IMMP2L: variants seen among roughly 807,000 people sequenced by gnomAD.
IMMP2L encodes mitochondrial inner membrane protease subunit 2.
Under a neutral mutation model 19.3 loss-of-function variants are expected in IMMP2L, and 18 were observed. The ratio of observed to expected loss-of-function variants is 0.93; its 90% CI spans 0.64 to 1.38. The LOEUF (loss-of-function observed/expected upper bound fraction) is 1.38, where lower values mean the gene tolerates loss of function less well. IMMP2L is among the 40% of genes most tolerant of loss of function. The pLI, the probability that IMMP2L is intolerant of heterozygous loss-of-function variation, is 0.00. For missense variants in IMMP2L, 233 were observed against 218.2 expected (o/e 1.07, Z -0.43); for synonymous variants, 76 against 73.0 (o/e 1.04, Z -0.21).
intron 1 of IMMP2L, among the ~76,000 whole-genome samples, chr7:111,551,128 G>A (rs1315984784): frequency 2.0e-5 from 3 of 152,080 alleles, no homozygotes; most frequent in Non-Finnish European, 4.4e-5. Flanking sequence ...ACTAGAACTT[G>A]ATAATCTGTT....
At chr7:110,747,808 A>G (rs1484333631) in intron 5 of IMMP2L, among the ~76,000 whole-genome samples, 2 of 152,190 alleles carry the variant, frequency 1.3e-5, no homozygotes, top group African/African-American at 4.8e-5. Context: ...AATGGGCAAA[A>G]ACTGGAAGCA....
At chr7:111,423,369 A>C (rs908715225) in intron 3 of IMMP2L, among the ~76,000 whole-genome samples, 1 of 151,740 alleles carries the variant, frequency 6.6e-6, no homozygotes, top group Admixed American at 6.6e-5. Context: ...TTGGTAGCCT[A>C]TTAATTATTG....
chr7:111,411,383 A>G (rs1054870726), intron 3 of IMMP2L: 4 of 466,414 alleles, frequency 8.6e-6, no homozygotes, highest in Non-Finnish European at 1.7e-5. Flanking sequence ...ATCAAGTTCA[A>G]AAAAAGGGGT....
intron 3 of IMMP2L, among the ~76,000 whole-genome samples, chr7:111,181,620 A>G (rs946840565): frequency 6.6e-6 from 1 of 152,034 alleles, no homozygotes; most frequent in Non-Finnish European, 1.5e-5. Flanking sequence ...CTCTTGCCCT[A>G]AAATACAAAA....
At position 111,078,721 on chromosome 7, in the gene IMMP2L, T is replaced by TTTTATTTA. The variant is rs200837271; in HGVS notation, c.240-115164_240-115157dup. On this transcript the variant is annotated intron_variant, in intron 3 of 5. Coordinates refer to ENST00000405709, the MANE Select transcript of IMMP2L (RefSeq NM_032549.4). ...ACAATAAAGCTGTGGTATTTTTTAT[T>TTTTATTTA]TTTATTTATTTATTTATTTATTTAT... is the stretch of plus-strand genomic sequence containing the variant. 2.6e-5 allele frequency among the ~76,000 whole-genome samples: 4 copies of TTTTATTTA among 151,714 alleles called. No individual in the cohort carries two copies. In the East Asian group the frequency reaches 5.8e-4, roughly 22 times the overall value.
chr7:111,098,223 T>C (rs1463909631), intron 3 of IMMP2L, among the ~76,000 whole-genome samples: 1 of 151,926 alleles, frequency 6.6e-6, no homozygotes, highest in East Asian at 1.9e-4. Context: ...AAACACATAG[T>C]TTATATTTGT....
In IMMP2L at chr7:111,260,392, T is replaced by C. The variant is rs537285631; in HGVS notation, c.239+226846A>G. 3.9e-5 allele frequency among the ~76,000 whole-genome samples: 6 copies of C among 152,180 alleles called. No homozygotes were observed. In the South Asian group the frequency reaches 1.0e-3, roughly 26 times the overall value. On this transcript the variant is annotated intron_variant, in intron 3 of 5. Coordinates refer to ENST00000405709, the MANE Select transcript of IMMP2L (RefSeq NM_032549.4). ...CATTGTTAACTGAAACATCATTATG[T>C]GGCTCATGACTGTATGTAAACTGTA...
intron 3 of IMMP2L, among the ~76,000 whole-genome samples, chr7:111,356,229 T>C (rs1347982701): frequency 6.6e-6 from 1 of 152,074 alleles, no homozygotes; most frequent in Non-Finnish European, 1.5e-5. Context: ...GTTGGCCCAC[T>C]GTATCCATGG....
intron 5 of IMMP2L, among the ~76,000 whole-genome samples, chr7:110,705,697 T>G (rs1794625345): frequency 6.6e-6 from 1 of 152,054 alleles, no homozygotes; most frequent in South Asian, 2.1e-4. Flanking sequence ...ACTATCTGGG[T>G]GCATAGTACC....
intron 3 of IMMP2L, among the ~76,000 whole-genome samples, chr7:111,129,287 A>G (rs1271424933): frequency 2.0e-5 from 3 of 152,076 alleles, no homozygotes; most frequent in Non-Finnish European, 4.4e-5. Flanking sequence ...GATAGGGAGT[A>G]ATTAATAGTA....
chr7:110,989,876 A>G (rs1822274365), intron 3 of IMMP2L, among the ~76,000 whole-genome samples: 1 of 152,002 alleles, frequency 6.6e-6, no homozygotes, highest in South Asian at 2.1e-4. Flanking sequence ...TTATTGGAAT[A>G]TATTTTTTAT....
chr7:111,003,077 T>C (rs1823885103), intron 3 of IMMP2L, among the ~76,000 whole-genome samples: 1 of 152,158 alleles, frequency 6.6e-6, no homozygotes, highest in Non-Finnish European at 1.5e-5. Context: ...TTTGAGAGGA[T>C]TTTTCTGCTA....
intron 3 of IMMP2L, among the ~76,000 whole-genome samples, chr7:111,363,936 T>G (rs1829501936): frequency 6.6e-6 from 1 of 151,984 alleles, no homozygotes; most frequent in Admixed American, 6.6e-5. Context: ...GCCTAGCTGA[T>G]TATCACCTGT....
intron 3 of IMMP2L, among the ~76,000 whole-genome samples, chr7:111,031,169 T>C (rs1790770107): frequency 6.6e-6 from 1 of 152,000 alleles, no homozygotes; most frequent in African/African-American, 2.4e-5. Context: ...TCTATGCTTG[T>C]ATTTCTTCGT....
rs762206103 is a variant in IMMP2L, at chr7:111,123,961, G to A, written c.240-160396C>T. The stretch of plus-strand genomic sequence containing the variant: ...CATGGAGCCAGATTCACTGTTTTGC[G>A]TGGACCCACCTGAATTCCAAGGTCA... On this transcript the variant is annotated intron_variant, in intron 3 of 5. Coordinates refer to ENST00000405709, the MANE Select transcript of IMMP2L (RefSeq NM_032549.4). The surrounding 1 kb of genome is among the most constrained non-coding windows in gnomAD (Gnocchi z 6.4). 27 of 1,614,004 alleles carry A rather than the reference G, an allele frequency of 1.7e-5. 1 individual carries two copies. The highest frequency in any genetic ancestry group is 9.3e-5 in the African/African-American group (7 of 75,036).
At chr7:111,345,220 T>C (rs1827419356) in intron 3 of IMMP2L, among the ~76,000 whole-genome samples, 1 of 152,174 alleles carries the variant, frequency 6.6e-6, no homozygotes, top group African/African-American at 2.4e-5. Context: ...ATGTGTAATA[T>C]TACTAATTTG....
intron 3 of IMMP2L, among the ~76,000 whole-genome samples, chr7:111,226,126 C>T (rs1297423328): frequency 6.6e-6 from 1 of 151,840 alleles, no homozygotes; most frequent in African/African-American, 2.4e-5. Context: ...TTTTCCCATT[C>T]TGTCACTCCC....
chr7:111,393,730 T>G (rs1832611515), intron 3 of IMMP2L, among the ~76,000 whole-genome samples: 1 of 152,306 alleles, frequency 6.6e-6, no homozygotes, highest in Non-Finnish European at 1.5e-5. Flanking sequence ...AGTACAACTT[T>G]GAAATCTAAT....
chr7:111,358,000 T>G lies in IMMP2L; in HGVS notation c.239+129238A>C, dbSNP rs982360431. On this transcript the variant is annotated intron_variant, in intron 3 of 5. Transcript: ENST00000405709. ...CCAAGGTTTTCACCCTAGGGCATTCTGGACTCTTTTGATACCCTATCTCAG... is the reference window on the plus strand; with the variant it reads ...CCAAGGTTTTCACCCTAGGGCATTCGGGACTCTTTTGATACCCTATCTCAG... Among the ~76,000 whole-genome samples the G allele has an allele frequency of 1.3e-5, 2 of 151,916 alleles. 1 individual carries two copies. Among genetic ancestry groups the G allele is most frequent in the South Asian group, 4.2e-4 (2 of 4,800 alleles).
Sources: allele counts gnomAD v4.1 joint callset (sites outside exome capture counted in the v4.1 genomes callset), GRCh38; gene constraint gnomAD v4.1.1; non-coding constraint Gnocchi (gnomAD v3.1); transcripts MANE v1.5; gene names NCBI Gene and HGNC (gene_info 2026-07-23, HGNC 2026-07-21).